The following SSBP2 variants were observed in gnomAD, a reference collection of about 807,000 sequenced individuals.
SSBP2 encodes the protein single-stranded DNA-binding protein 2.
Under a neutral mutation model 61.8 loss-of-function variants are expected in SSBP2, and 17 were observed. That is an observed-to-expected ratio of 0.28 (90% CI 0.19 to 0.41). The LOEUF (loss-of-function observed/expected upper bound fraction) is 0.41, where lower values mean the gene tolerates loss of function less well. SSBP2 is among the 10% of genes least tolerant of loss of function. The pLI, the probability that SSBP2 is intolerant of heterozygous loss-of-function variation, is 1.00. For missense variants in SSBP2, 310 were observed against 458.7 expected, an observed-to-expected ratio of 0.68 and a Z score of 2.96; for synonymous variants, 139 against 141.3, an observed-to-expected ratio of 0.98 and a Z score of 0.12.
chr5:81,513,046 T>C (rs1345445173), intron 5 of SSBP2, among the ~76,000 whole-genome samples: 2 of 152,106 alleles, frequency 1.3e-5, no homozygotes, highest in African/African-American at 4.8e-5. Context: ...TGTATTGTCA[T>C]TGTAAAATTG....
chr5:81,548,453 C>T (rs1771921283), intron 4 of SSBP2, among the ~76,000 whole-genome samples: 1 of 152,144 alleles, frequency 6.6e-6, no homozygotes, highest in African/African-American at 2.4e-5. Context: ...TATGTTCAGA[C>T]AGCACTATAC....
intron 16 of SSBP2, among the ~76,000 whole-genome samples, chr5:81,422,787 T>G (rs1190273560): frequency 6.6e-6 from 1 of 152,180 alleles, no homozygotes; most frequent in Non-Finnish European, 1.5e-5. Flanking sequence ...CATAGACAAA[T>G]GCTGATGACA....
intron 2 of SSBP2, among the ~76,000 whole-genome samples, chr5:81,640,602 A>G (rs1748697346): frequency 6.6e-6 from 1 of 152,156 alleles, no homozygotes; most frequent in Non-Finnish European, 1.5e-5. Flanking sequence ...AAAATAAGAA[A>G]TAATATTTAA....
chr5:81,737,783 A>G (rs1581451121), intron 1 of SSBP2, among the ~76,000 whole-genome samples: 1 of 113,950 alleles, frequency 8.8e-6, no homozygotes, highest in South Asian at 2.9e-4. Flanking sequence ...GTGAGACTCC[A>G]TCTCAAAAAA....
At chr5:81,438,835 T>G (rs948401125) in intron 14 of SSBP2, among the ~76,000 whole-genome samples, 1 of 152,250 alleles carries the variant, frequency 6.6e-6, no homozygotes, top group Non-Finnish European at 1.5e-5. Context: ...TGCTGTCCAA[T>G]AGAATTTTGT....
At chr5:81,624,515 T>C (rs1474309795) in intron 3 of SSBP2, among the ~76,000 whole-genome samples, 5 of 152,222 alleles carry the variant, frequency 3.3e-5, no homozygotes, top group African/African-American at 1.2e-4. Context: ...TAAAAGGCTC[T>C]AATAAGCATT....
At chr5:81,574,636 A>T (rs1325829575) in intron 4 of SSBP2, among the ~76,000 whole-genome samples, 1 of 152,166 alleles carries the variant, frequency 6.6e-6, no homozygotes, top group Non-Finnish European at 1.5e-5. Flanking sequence ...ACCTAGTCAC[A>T]GAAAGGTAAA....
chr5:81,719,342 A>G (rs539841793), intron 1 of SSBP2, among the ~76,000 whole-genome samples: 4 of 152,306 alleles, frequency 2.6e-5, no homozygotes, highest in Admixed American at 1.3e-4. Context: ...AATCCTGAAA[A>G]AGCAGAGGGC....
chr5:81,623,664 CA>C (rs1746855521), intron 3 of SSBP2, among the ~76,000 whole-genome samples: 1 of 152,114 alleles, frequency 6.6e-6, no homozygotes, highest in Non-Finnish European at 1.5e-5. Flanking sequence ...GATTACCTCA[CA>C]CAATGGACTG....
At chr5:81,685,318 T>C (rs1444968899) in intron 1 of SSBP2, among the ~76,000 whole-genome samples, 1 of 152,216 alleles carries the variant, frequency 6.6e-6, no homozygotes, top group South Asian at 2.1e-4. Context: ...TAGGATACAT[T>C]TGTCAAAACT....
intron 1 of SSBP2, among the ~76,000 whole-genome samples, chr5:81,653,827 T>C (rs1348216441): frequency 6.6e-6 from 1 of 152,162 alleles, no homozygotes; most frequent in East Asian, 1.9e-4. Flanking sequence ...CTTTGTAGAT[T>C]CTATATATTA....
chr5:81,436,719 A>C (rs1762696933), intron 15 of SSBP2, among the ~76,000 whole-genome samples: 1 of 152,146 alleles, frequency 6.6e-6, no homozygotes, highest in African/African-American at 2.4e-5. Flanking sequence ...ATTAGTTCCC[A>C]TCAGTAATTC....
At chr5:81,583,513 C>T (rs1299506498) in intron 4 of SSBP2, among the ~76,000 whole-genome samples, 1 of 151,806 alleles carries the variant, frequency 6.6e-6, no homozygotes, top group Non-Finnish European at 1.5e-5. Context: ...GCCTGTAGTC[C>T]CAGCTACTGG....
At chr5:81,708,299 T>C (rs551784109) in intron 1 of SSBP2, among the ~76,000 whole-genome samples, 1 of 152,288 alleles carries the variant, frequency 6.6e-6, no homozygotes, top group Admixed American at 6.5e-5. Flanking sequence ...ATGCATATAG[T>C]ACAATACAGC....
At chr5:81,565,672 A>T (rs1271980870) in intron 4 of SSBP2, among the ~76,000 whole-genome samples, 1 of 152,198 alleles carries the variant, frequency 6.6e-6, no homozygotes, top group Non-Finnish European at 1.5e-5. Flanking sequence ...AAACTCATCA[A>T]GAAAGAACCA....
chr5:81,641,483 A>C (rs1433039110), intron 2 of SSBP2, among the ~76,000 whole-genome samples: 2 of 152,232 alleles, frequency 1.3e-5, no homozygotes, highest in Non-Finnish European at 2.9e-5. Context: ...TACTGAAGTT[A>C]ACATAAAATC....
chr5:81,625,926 T>C (rs1389414493), intron 3 of SSBP2, among the ~76,000 whole-genome samples: 1 of 152,118 alleles, frequency 6.6e-6, no homozygotes, highest in Non-Finnish European at 1.5e-5. Flanking sequence ...TAAAACGCCA[T>C]GGAAAACATT....
intron 5 of SSBP2, among the ~76,000 whole-genome samples, chr5:81,496,226 C>G (rs1174383105): frequency 6.6e-6 from 1 of 152,050 alleles, no homozygotes; most frequent in East Asian, 1.9e-4. Flanking sequence ...GTTGCCCAAG[C>G]TGAAGTGCAG....
chr5:81,674,682 C>T (rs1009758137), intron 1 of SSBP2, among the ~76,000 whole-genome samples: 3 of 152,022 alleles, frequency 2.0e-5, no homozygotes, highest in Non-Finnish European at 4.4e-5. Flanking sequence ...TCCTTTTAAC[C>T]TAATCTACCC....
Sources: allele counts gnomAD v4.1 joint callset (sites outside exome capture counted in the v4.1 genomes callset), GRCh38; gene constraint gnomAD v4.1.1; transcripts MANE v1.5; gene names NCBI Gene and HGNC (gene_info 2026-07-23, HGNC 2026-07-21).